Variants in RANBP10 observed in about 807,000 individuals in gnomAD.
RANBP10 encodes the protein RAN binding protein 10.
Under a neutral mutation model 72.8 loss-of-function variants are expected in RANBP10, and 24 were observed. That is an observed-to-expected ratio of 0.33 (90% CI 0.24 to 0.46). RANBP10 has a LOEUF of 0.46. Ranked by LOEUF, RANBP10 falls within the 20% of genes least tolerant of loss-of-function variation. RANBP10 has a pLI of 1.00. For synonymous variants in RANBP10, 310 were observed against 322.3 expected (o/e 0.96, Z 0.41); for missense variants, 679 against 817.5 (o/e 0.83, Z 2.07).
chr16:67,731,857 C>T (rs1409366898), intron 6 of RANBP10, among the ~76,000 whole-genome samples: 1 of 152,128 alleles, frequency 6.6e-6, no homozygotes, highest in Non-Finnish European at 1.5e-5. Flanking sequence ...ACATGCTGCC[C>T]ACAAGTAAGC....
chr16:67,801,333 G>A (rs747790966), intron 2 of RANBP10, among the ~76,000 whole-genome samples: 4 of 152,130 alleles, frequency 2.6e-5, no homozygotes, highest in Non-Finnish European at 5.9e-5. Flanking sequence ...GAATCCAACA[G>A]AACATTCCTT....
Position 67,724,002 on chromosome 16 carries a change from C to T in RANBP10, c.*2426G>A, listed in dbSNP as rs1332709874. ...AGAGGAACAGAGTAAACAACTTGGA[C>T]TCAGCTGAAACAGTGAGATAAGGCA... On this transcript the variant is annotated 3_prime_UTR_variant, in exon 14 of 14. Coordinates refer to ENST00000317506, the MANE Select transcript of RANBP10 (RefSeq NM_020850.3). The T allele has an allele frequency of 1.3e-5, 2 of 152,730 alleles. No homozygotes were observed. The highest frequency in any genetic ancestry group is 2.9e-5 in the Non-Finnish European group (2 of 68,152). 9.5% of individuals were successfully genotyped at this position (152,730 alleles called of 1,614,324 possible).
intron 2 of RANBP10, among the ~76,000 whole-genome samples, chr16:67,795,650 G>A (rs913183585): frequency 6.6e-6 from 1 of 151,782 alleles, no homozygotes; most frequent in Non-Finnish European, 1.5e-5. Flanking sequence ...GGTGGATCAC[G>A]AGGTCAGGAG....
intron 3 of RANBP10, chr16:67,762,561 G>C (rs999543674): frequency 2.0e-5 from 3 of 152,128 alleles, no homozygotes; most frequent in African/African-American, 7.2e-5. Flanking sequence ...TGTGAGTCAG[G>C]AGTGGATTCA....
chr16:67,780,225 C>T (rs1479154173), intron 2 of RANBP10, among the ~76,000 whole-genome samples: 2 of 151,800 alleles, frequency 1.3e-5, no homozygotes, highest in Non-Finnish European at 2.9e-5. Context: ...AGCTAGACTC[C>T]GTCTCAAAAA....
At chr16:67,773,016 G>T (rs2054635866) in intron 2 of RANBP10, among the ~76,000 whole-genome samples, 1 of 152,216 alleles carries the variant, frequency 6.6e-6, no homozygotes, top group African/African-American at 2.4e-5. Context: ...TCTGCAATGT[G>T]AGAAAGACAT....
At chr16:67,783,108 G>A (rs962148250) in intron 2 of RANBP10, among the ~76,000 whole-genome samples, 1 of 152,204 alleles carries the variant, frequency 6.6e-6, no homozygotes, top group African/African-American at 2.4e-5. Context: ...CAAAATCCTT[G>A]CTGAGCAGAG....
chr16:67,805,682 C>G, intron 1 of RANBP10, 143 bp from the exon 2 acceptor site: 1 of 671,276 alleles, frequency 1.5e-6, no homozygotes, highest in South Asian at 1.9e-5. Flanking sequence ...CATTAGACAA[C>G]TGAATAAACA....
Position 67,744,377 on chromosome 16 carries a change from C to G in RANBP10, c.479G>C (p.Gly160Ala), listed in dbSNP as rs1192264609. The G allele has an allele frequency of 6.2e-7, 1 of 1,614,198 alleles. No individual in the cohort carries two copies. Among genetic ancestry groups the G allele is most frequent in the South Asian group, 1.1e-5 (1 of 91,082 alleles). Residue 160 changes from glycine to alanine, a missense_variant, in exon 4 of 14, where the codon GGT becomes GCT. Physicochemically the swap from Gly to Ala is moderately conservative, Grantham distance 60. Coordinates refer to ENST00000317506, the MANE Select transcript of RANBP10 (RefSeq NM_020850.3). ...CACGTCTCCTGTGGTGAATGTGGGA[C>G]CATAGGGCTGGCCAGTCCCCGAGGA... ...FCSSGTGQPYGPTFTTGDVIG... is the reference protein window; with the variant it reads ...FCSSGTGQPYAPTFTTGDVIG...
intron 3 of RANBP10, among the ~76,000 whole-genome samples, chr16:67,760,473 C>T (rs2054375414): frequency 6.6e-6 from 1 of 152,200 alleles, no homozygotes; most frequent in Non-Finnish European, 1.5e-5. Context: ...ACAGCTCACT[C>T]AGAGCAAGCC....
At chr16:67,793,118 T>A (rs1255162710) in intron 2 of RANBP10, among the ~76,000 whole-genome samples, 8 of 152,000 alleles carry the variant, frequency 5.3e-5, no homozygotes, top group African/African-American at 1.9e-4. Context: ...CCAGCTTAAT[T>A]TGAGAGAGTT....
At chr16:67,738,435 G>C (rs189507157) in intron 4 of RANBP10, among the ~76,000 whole-genome samples, 188 of 151,938 alleles carry the variant, frequency 1.2e-3, no homozygotes, top group African/African-American at 4.2e-3. Flanking sequence ...ACTGTGTCCA[G>C]CTGGGAAGGT....
Position 67,729,800 on chromosome 16 carries a change from C to T in RANBP10, c.1027G>A (p.Gly343Arg). Residue 343 changes from glycine (G) to arginine (R), a missense_variant, in exon 9 of 14, where the codon GGG becomes AGG. Physicochemically the swap from Gly to Arg is moderately radical, Grantham distance 125. Transcript: ENST00000317506. The surrounding 1 kb of genome is among the most constrained non-coding windows in gnomAD (Gnocchi z 7.1). ...AAACTTCGGACCTCACTGTCCGTCC[C>T]ATTCACCATCTCCACAAACTGCCGG... Reference protein sequence around the residue: ...KCRQFVEMVNGTDSEVRSLSS... With the variant: ...KCRQFVEMVNRTDSEVRSLSS... The T allele has an allele frequency of 6.2e-7, 1 of 1,614,054 alleles. No homozygotes were observed. Among genetic ancestry groups the T allele is most frequent in the South Asian group, 1.1e-5 (1 of 91,072 alleles).
chr16:67,746,435 C>T (rs759385908), intron 3 of RANBP10, among the ~76,000 whole-genome samples: 7 of 152,048 alleles, frequency 4.6e-5, no homozygotes, highest in Admixed American at 2.6e-4. Context: ...GAGCCGAGAT[C>T]GCGCCACTGA....
At chr16:67,750,262 G>T (rs1401845610) in intron 3 of RANBP10, among the ~76,000 whole-genome samples, 3 of 152,162 alleles carry the variant, frequency 2.0e-5, no homozygotes, top group Non-Finnish European at 4.4e-5. Context: ...TTTCAGGAAG[G>T]CTGCTTGCTG....
intron 3 of RANBP10, among the ~76,000 whole-genome samples, chr16:67,758,932 GGGA>G (rs1384517975): frequency 6.6e-6 from 1 of 152,250 alleles, no homozygotes; most frequent in African/African-American, 2.4e-5. Context: ...CTGTGGGTCA[GGGA>G]GGAGGCCCAC....
intron 4 of RANBP10, among the ~76,000 whole-genome samples, chr16:67,742,559 G>C (rs1567681865): frequency 6.6e-6 from 1 of 152,202 alleles, no homozygotes; most frequent in East Asian, 1.9e-4. Flanking sequence ...TGACATTAAA[G>C]TGGCCATCTG....
At chr16:67,738,846 C>T (rs1207677257) in intron 4 of RANBP10, 1 of 152,216 alleles carries the variant, frequency 6.6e-6, no homozygotes, top group African/African-American at 2.4e-5. Context: ...CATAGCTCCT[C>T]CACCCGCAAA....
At chr16:67,780,542 G>A (rs572691334) in intron 2 of RANBP10, among the ~76,000 whole-genome samples, 3 of 152,112 alleles carry the variant, frequency 2.0e-5, no homozygotes, top group African/African-American at 7.2e-5. Flanking sequence ...GAAGCCAGGA[G>A]TGCAAGACCA....
Sources: allele counts gnomAD v4.1 joint callset (sites outside exome capture counted in the v4.1 genomes callset), GRCh38; gene constraint gnomAD v4.1.1; non-coding constraint Gnocchi (gnomAD v3.1); transcripts MANE v1.5; gene names NCBI Gene and HGNC (gene_info 2026-07-23, HGNC 2026-07-21).